AUTS2: variants seen among roughly 807,000 people sequenced by gnomAD.
AUTS2 encodes activator of transcription and developmental regulator AUTS2, also known as autism susceptibility gene 2 protein.
A neutral mutation model predicts 112.4 loss-of-function variants in AUTS2; 17 were observed. The observed-to-expected ratio is 0.15, with a 90% CI of 0.10 to 0.23. The LOEUF (loss-of-function observed/expected upper bound fraction) is 0.23, where lower values mean the gene tolerates loss of function less well. Among genes scored for constraint, AUTS2 ranks in the 10% least tolerant of loss-of-function variants. AUTS2 has a pLI of 1.00. For missense variants in AUTS2, 1,510 were observed against 1,701.6 expected (o/e 0.89, Z 1.98); for synonymous variants, 751 against 702.7 (o/e 1.07, Z -1.09).
intron 4 of AUTS2, among the ~76,000 whole-genome samples, chr7:70,213,600 G>T (rs151034250): frequency 6.6e-6 from 1 of 151,918 alleles, no homozygotes; most frequent in East Asian, 1.9e-4. Context: ...ACTAATGTAT[G>T]AAAATCATCT....
chr7:70,282,992 A>G (rs994580880), intron 4 of AUTS2, among the ~76,000 whole-genome samples: 1 of 152,316 alleles, frequency 6.6e-6, no homozygotes, highest in South Asian at 2.1e-4. Context: ...TTCTATATAG[A>G]CAGAATATGA....
chr7:70,333,099 A>G (rs1455574987), intron 4 of AUTS2, among the ~76,000 whole-genome samples: 2 of 152,266 alleles, frequency 1.3e-5, no homozygotes, highest in African/African-American at 2.4e-5. Context: ...TCTACAAAGA[A>G]CTTAAACAAA....
At chr7:69,873,675 G>A (rs141873398) in intron 1 of AUTS2, among the ~76,000 whole-genome samples, 1 of 152,268 alleles carries the variant, frequency 6.6e-6, no homozygotes, top group Non-Finnish European at 1.5e-5. Flanking sequence ...GTGCTGATTT[G>A]TTAGAAATGC....
At chr7:69,740,616 C>T (rs905382371) in intron 1 of AUTS2, among the ~76,000 whole-genome samples, 19 of 152,108 alleles carry the variant, frequency 1.2e-4, no homozygotes, top group African/African-American at 2.9e-4. Context: ...CTCCACCTCC[C>T]GGGTTCAAGG....
intron 1 of AUTS2, among the ~76,000 whole-genome samples, chr7:69,859,568 G>A (rs1792885081): frequency 6.6e-6 from 1 of 152,124 alleles, no homozygotes; most frequent in Admixed American, 6.5e-5. Flanking sequence ...CCAAAAATAG[G>A]CATTAAACCC....
intron 2 of AUTS2, among the ~76,000 whole-genome samples, chr7:70,074,583 A>G (rs1802938683): frequency 6.6e-6 from 1 of 152,188 alleles, no homozygotes; most frequent in African/African-American, 2.4e-5. Context: ...AGCTTACTCA[A>G]GTTATCCCAT....
chr7:70,706,871 A>G (rs1809768173), intron 6 of AUTS2, among the ~76,000 whole-genome samples: 1 of 152,228 alleles, frequency 6.6e-6, no homozygotes, highest in Non-Finnish European at 1.5e-5. Flanking sequence ...GTAAAACTTT[A>G]CTGCAAAGTA....
intron 1 of AUTS2, among the ~76,000 whole-genome samples, chr7:69,761,718 A>T (rs2129286757): frequency 6.6e-6 from 1 of 152,318 alleles, no homozygotes; most frequent in South Asian, 2.1e-4. Flanking sequence ...TTGCTCTCAC[A>T]GATGGGAATT....
chr7:70,744,234 T>TA (rs1457379765), intron 6 of AUTS2, among the ~76,000 whole-genome samples: 1 of 152,114 alleles, frequency 6.6e-6, no homozygotes, highest in Admixed American at 6.5e-5. Context: ...TCTGAAGAAA[T>TA]ATAGCCAACG....
intron 3 of AUTS2, among the ~76,000 whole-genome samples, chr7:70,126,659 A>G (rs1279437113): frequency 6.6e-6 from 1 of 152,200 alleles, no homozygotes; most frequent in African/African-American, 2.4e-5. Context: ...TTTGTAACTG[A>G]GGAAATTTGT....
At chr7:70,240,143 G>A (rs1226965008) in intron 4 of AUTS2, among the ~76,000 whole-genome samples, 7 of 152,150 alleles carry the variant, frequency 4.6e-5, no homozygotes, top group African/African-American at 1.4e-4. Flanking sequence ...TCCCAGCCCC[G>A]GTAGCCAAGG....
chr7:69,603,770 C>T (rs1432208510), intron 1 of AUTS2, among the ~76,000 whole-genome samples: 1 of 152,114 alleles, frequency 6.6e-6, no homozygotes, highest in African/African-American at 2.4e-5. Context: ...GAGCAAAAAT[C>T]CCCAGATAAG....
chr7:70,294,683 A>T (rs1379452139), intron 4 of AUTS2, among the ~76,000 whole-genome samples: 2 of 152,226 alleles, frequency 1.3e-5, no homozygotes, highest in African/African-American at 2.4e-5. Flanking sequence ...GGACAGGCGA[A>T]TATGAGCACA....
At chr7:70,468,683 T>C (rs560510229) in intron 5 of AUTS2, among the ~76,000 whole-genome samples, 8 of 152,238 alleles carry the variant, frequency 5.3e-5, no homozygotes, top group Non-Finnish European at 8.8e-5. Flanking sequence ...TCAGGTGCTC[T>C]ACAGGATCCT....
chr7:69,689,117 G>A (rs1367661983), intron 1 of AUTS2, among the ~76,000 whole-genome samples: 1 of 151,956 alleles, frequency 6.6e-6, no homozygotes, highest in Non-Finnish European at 1.5e-5. Context: ...TCATAAACCT[G>A]GGCAAATCAT....
chr7:70,163,776 T>C (rs554428262), intron 4 of AUTS2, among the ~76,000 whole-genome samples: 8 of 152,162 alleles, frequency 5.3e-5, no homozygotes, highest in Non-Finnish European at 7.4e-5. Context: ...GAAAACTGAT[T>C]GTATTTCATA....
intron 2 of AUTS2, among the ~76,000 whole-genome samples, chr7:69,908,485 G>C (rs1795232958): frequency 6.6e-6 from 1 of 152,154 alleles, no homozygotes; most frequent in Non-Finnish European, 1.5e-5. Context: ...GACACACACA[G>C]GAGCAGAAAC....
intron 2 of AUTS2, among the ~76,000 whole-genome samples, chr7:69,959,582 T>C (rs1402452928): frequency 6.6e-6 from 1 of 152,174 alleles, no homozygotes; most frequent in East Asian, 1.9e-4. Context: ...GCCCAGGATT[T>C]CACTTTCTCG....
intron 2 of AUTS2, among the ~76,000 whole-genome samples, chr7:70,053,122 T>C (rs780206220): frequency 1.3e-5 from 2 of 152,310 alleles, no homozygotes; most frequent in South Asian, 4.1e-4. Flanking sequence ...TATTTCATAA[T>C]ATAAAATAAG....
Sources: allele counts gnomAD v4.1 joint callset (sites outside exome capture counted in the v4.1 genomes callset), GRCh38; gene constraint gnomAD v4.1.1; transcripts MANE v1.5; gene names NCBI Gene and HGNC (gene_info 2026-07-23, HGNC 2026-07-21).